The following PBX3 variants were observed in gnomAD, a reference collection of about 807,000 sequenced individuals.
PBX3 encodes the protein PBX homeobox 3.
PBX3 carries 14 observed loss-of-function variants against 48.5 expected under a neutral mutation model. That is an observed-to-expected ratio of 0.29 (90% CI 0.19 to 0.45). The LOEUF (loss-of-function observed/expected upper bound fraction) is 0.45. Among genes scored for constraint, PBX3 ranks in the 20% least tolerant of loss-of-function variants. The pLI, the probability that PBX3 is intolerant of heterozygous loss-of-function variation, is 1.00. For missense variants in PBX3, 386 were observed against 546.7 expected, an observed-to-expected ratio of 0.71 and a Z score of 2.93; for synonymous variants, 210 against 200.3, an observed-to-expected ratio of 1.05 and a Z score of -0.41.
At chr9:125,862,939 G>A (rs1245111677) in intron 2 of PBX3, among the ~76,000 whole-genome samples, 1 of 152,130 alleles carries the variant, frequency 6.6e-6, no homozygotes, top group Admixed American at 6.5e-5. Flanking sequence ...CTGTCGCCCA[G>A]GCTGGAGTGC....
intron 2 of PBX3, among the ~76,000 whole-genome samples, chr9:125,780,760 G>A (rs1356722541): frequency 7.5e-6 from 1 of 132,514 alleles, no homozygotes; most frequent in African/African-American, 2.8e-5. Flanking sequence ...CAGGGCGGCT[G>A]GCCGGGCGGG....
At chr9:125,935,443 G>A (rs548511601) in intron 4 of PBX3, 29 bp from the exon 5 acceptor site, 2 of 1,609,312 alleles carry the variant, frequency 1.2e-6, no homozygotes, top group East Asian at 4.5e-5. Context: ...GATTGTAACT[G>A]CAATTATTTT....
chr9:125,782,379 GA>G (rs1326266061), intron 2 of PBX3, among the ~76,000 whole-genome samples: 5 of 152,138 alleles, frequency 3.3e-5, no homozygotes, highest in Non-Finnish European at 7.3e-5. Context: ...TTCAAGATGA[GA>G]TTTGGGTAGG....
intron 2 of PBX3, among the ~76,000 whole-genome samples, chr9:125,891,635 T>TAAAAGAA (rs1840645969): frequency 6.6e-6 from 1 of 152,226 alleles, no homozygotes; most frequent in African/African-American, 2.4e-5. Context: ...TGTTTTCTTT[T>TAAAAGAA]AAGCCTTAGG....
chr9:125,841,906 G>T (rs937734094), intron 2 of PBX3, among the ~76,000 whole-genome samples: 2 of 152,044 alleles, frequency 1.3e-5, no homozygotes, highest in African/African-American at 4.8e-5. Flanking sequence ...CAGTGCTTGT[G>T]CTTTTCAGTG....
chr9:125,943,974 G>A (rs1842016511), intron 5 of PBX3, among the ~76,000 whole-genome samples: 1 of 152,230 alleles, frequency 6.6e-6, no homozygotes, highest in Admixed American at 6.5e-5. Flanking sequence ...CTTCCCATCT[G>A]CCGCCAGTGC....
chr9:125,768,899 A>G (rs1270295134), intron 2 of PBX3, among the ~76,000 whole-genome samples: 1 of 152,208 alleles, frequency 6.6e-6, no homozygotes, highest in African/African-American at 2.4e-5. Context: ...TTTTACTTGA[A>G]GTATAGGTTT....
At chr9:125,779,351 G>A (rs1250568841) in intron 2 of PBX3, among the ~76,000 whole-genome samples, 1 of 139,732 alleles carries the variant, frequency 7.2e-6, no homozygotes, top group Non-Finnish European at 1.5e-5. Flanking sequence ...GGGAAGGTTG[G>A]CAGATAAACA....
intron 2 of PBX3, among the ~76,000 whole-genome samples, chr9:125,869,735 T>G (rs986529892): frequency 6.6e-6 from 1 of 152,122 alleles, no homozygotes; most frequent in Admixed American, 6.5e-5. Flanking sequence ...AGAATTCCAC[T>G]AAAATAATTT....
intron 2 of PBX3, among the ~76,000 whole-genome samples, chr9:125,769,142 C>T (rs1017882753): frequency 6.6e-6 from 1 of 152,082 alleles, no homozygotes; most frequent in African/African-American, 2.4e-5. Flanking sequence ...TCATCAAGGA[C>T]ATTGTGAAGT....
intron 5 of PBX3, among the ~76,000 whole-genome samples, chr9:125,940,469 C>T (rs1424168557): frequency 6.6e-6 from 1 of 152,212 alleles, no homozygotes; most frequent in Non-Finnish European, 1.5e-5. Flanking sequence ...AAAGAGACAT[C>T]AGTGAACTTA....
chr9:125,774,769 T>G (rs1036034341), intron 2 of PBX3, among the ~76,000 whole-genome samples: 1 of 152,054 alleles, frequency 6.6e-6, no homozygotes, highest in Non-Finnish European at 1.5e-5. Context: ...CAGCTAGGAG[T>G]AGAACTGCTA....
chr9:125,908,020 A>C (rs1347031085), intron 2 of PBX3, among the ~76,000 whole-genome samples: 1 of 152,130 alleles, frequency 6.6e-6, no homozygotes, highest in Non-Finnish European at 1.5e-5. Context: ...ATGTGTTTGA[A>C]TTTGAACATA....
intron 2 of PBX3, among the ~76,000 whole-genome samples, chr9:125,837,921 T>G (rs1373846596): frequency 6.6e-6 from 1 of 152,206 alleles, no homozygotes; most frequent in Non-Finnish European, 1.5e-5. Flanking sequence ...TTTGTTGGTC[T>G]TTTTTCAAAA....
intron 2 of PBX3, among the ~76,000 whole-genome samples, chr9:125,813,059 A>C (rs903802187): frequency 1.3e-5 from 2 of 152,168 alleles, no homozygotes; most frequent in Non-Finnish European, 2.9e-5. Context: ...AATTTATAAA[A>C]ATATTTTTAT....
chr9:125,948,705 C>CGT (rs34522175), intron 5 of PBX3, among the ~76,000 whole-genome samples: 87,011 of 148,428 alleles, frequency 0.59, 27,676 homozygotes, highest in East Asian at 0.72. Flanking sequence ...CAGGTATATA[C>CGT]GTGTGTGTGT....
chr9:125,928,392 A>ATGTGTGTG (rs112869741), intron 3 of PBX3, among the ~76,000 whole-genome samples: 2,485 of 140,242 alleles, frequency 0.018, 120 homozygotes, highest in East Asian at 0.13. Context: ...GGGGAAACAA[A>ATGTGTGTG]TGTGTGTGTG....
At chr9:125,856,675 T>C (rs1220198675) in intron 2 of PBX3, among the ~76,000 whole-genome samples, 1 of 152,214 alleles carries the variant, frequency 6.6e-6, no homozygotes, top group African/African-American at 2.4e-5. Context: ...TTTCTGTCAG[T>C]TGTTTGGTTT....
intron 2 of PBX3, among the ~76,000 whole-genome samples, chr9:125,888,527 A>AT (rs1213345955): frequency 6.7e-6 from 1 of 149,522 alleles, no homozygotes; most frequent in Non-Finnish European, 1.5e-5. Flanking sequence ...ACTTGATGGC[A>AT]TTTTTTTGGG....
Sources: gnomAD v4.1 joint callset for allele counts (sites outside exome capture counted in the v4.1 genomes callset) on GRCh38, gnomAD v4.1.1 for gene constraint, MANE v1.5 for transcripts, NCBI Gene and HGNC (gene_info 2026-07-23, HGNC 2026-07-21) for gene names.